SPSB1: variants seen among roughly 807,000 people sequenced by gnomAD.
The protein encoded by SPSB1 is splA/ryanodine receptor domain and SOCS box containing 1.
SPSB1 carries 8 observed loss-of-function variants against 21.2 expected under a neutral mutation model. That is an observed-to-expected ratio of 0.38 (90% CI 0.22 to 0.68). The LOEUF is 0.68. SPSB1 is among the 30% of genes least tolerant of loss of function. The probability of loss-of-function intolerance (pLI) is 0.53; values close to 1 mark genes in which losing one functional copy is unlikely to be tolerated. For synonymous variants in SPSB1, 169 were observed against 161.7 expected (o/e 1.05, Z -0.34); for missense variants, 242 against 377.8 (o/e 0.64, Z 2.98).
Position 9,329,906 on chromosome 1 carries a change from A to T in SPSB1, c.-149-25837A>T, listed in dbSNP as rs563880013. Among the ~76,000 whole-genome samples the T allele has an allele frequency of 3.9e-5, 6 of 152,194 alleles. No individual in the cohort carries two copies. The South Asian group carries it at 6.2e-4, about 16-fold the overall frequency. On this transcript the variant is annotated intron_variant, in intron 1 of 2. Transcript: ENST00000328089. ...AACTTGGATACTATGAGGCCTTTGGAATCTTTTCTGGGACTGATTCCTAGA... is the reference window on the plus strand; with the variant it reads ...AACTTGGATACTATGAGGCCTTTGGTATCTTTTCTGGGACTGATTCCTAGA...
Position 9,294,836 on chromosome 1 carries a change from A to T in SPSB1, c.-150+1765A>T, listed in dbSNP as rs553378008. Among the ~76,000 whole-genome samples, 7 of 151,318 alleles carry T rather than the reference A, an allele frequency of 4.6e-5. No homozygotes were observed. In the South Asian group the frequency reaches 1.5e-3, roughly 32 times the overall value. ...CCTTCTGCCCTGTCCCCCTCCTCAG[A>T]CCCCCCTCCCAGTGGTGGAAAGCCC... On this transcript the variant is annotated intron_variant, in intron 1 of 2. Transcript: ENST00000328089.
intron 1 of SPSB1, among the ~76,000 whole-genome samples, chr1:9,307,561 G>A (rs1006917241): frequency 6.6e-6 from 1 of 152,202 alleles, no homozygotes; most frequent in Non-Finnish European, 1.5e-5. Context: ...TTTCCTAAGT[G>A]GAAGCTGGAT....
intron 1 of SPSB1, among the ~76,000 whole-genome samples, chr1:9,354,329 C>T (rs1019827771): frequency 2.0e-5 from 3 of 152,168 alleles, no homozygotes; most frequent in African/African-American, 7.2e-5. Context: ...AACAGCCTCC[C>T]GCCCAGGCGC....
chr1:9,364,601 A>T (rs560754549), intron 2 of SPSB1, among the ~76,000 whole-genome samples: 58 of 152,244 alleles, frequency 3.8e-4, no homozygotes, highest in African/African-American at 1.4e-3. Context: ...CCTTGACCTT[A>T]AAGAACCCAA....
rs1639639142 is a variant in SPSB1, at chr1:9,317,814, G to A, written c.-150+24743G>A. On this transcript the variant is annotated intron_variant, in intron 1 of 2. Transcript: ENST00000328089. This position sits in a 1 kb window ranked among gnomAD's most constrained non-coding sequence, Gnocchi z 4.3. ...GACAGTTTCAGAGCCTTATGTAGGT[G>A]ATTTCCGGTGGCGAGGGAACCAATT... is the stretch of plus-strand genomic sequence containing the variant. Among the ~76,000 whole-genome samples, 1 of 150,608 alleles carries A rather than the reference G, an allele frequency of 6.6e-6. No homozygotes were observed. The highest frequency in any genetic ancestry group is 2.4e-5 in the African/African-American group (1 of 40,926).
chr1:9,303,989 G>C (rs1639373145), intron 1 of SPSB1, among the ~76,000 whole-genome samples: 1 of 152,246 alleles, frequency 6.6e-6, no homozygotes, highest in Admixed American at 6.5e-5. Flanking sequence ...GTGTGTCTGT[G>C]AGGGTGTTTT....
chr1:9,309,118 G>T (rs370765541), intron 1 of SPSB1, among the ~76,000 whole-genome samples: 353 of 152,104 alleles, frequency 2.3e-3, no homozygotes, highest in African/African-American at 8.0e-3. Flanking sequence ...GAGCTGTGTA[G>T]CAGGGAGGGC....
chr1:9,334,470 C>T (rs2100495409), intron 1 of SPSB1, among the ~76,000 whole-genome samples: 1 of 152,342 alleles, frequency 6.6e-6, no homozygotes, highest in East Asian at 1.9e-4. Flanking sequence ...ATCCGCCTGC[C>T]TTGGCCTCCC....
At chr1:9,349,767 A>C (rs970004755) in intron 1 of SPSB1, among the ~76,000 whole-genome samples, 1 of 152,106 alleles carries the variant, frequency 6.6e-6, no homozygotes, top group South Asian at 2.1e-4. Context: ...TTCCCAACCC[A>C]CCGTTTTATG....
intron 1 of SPSB1, among the ~76,000 whole-genome samples, chr1:9,323,100 C>T (rs754322657): frequency 2.3e-4 from 35 of 152,228 alleles, no homozygotes; most frequent in Middle Eastern, 3.2e-3. Flanking sequence ...CTCCGGCCTT[C>T]GAGGACTTTG....
At chr1:9,334,499 G>A (rs989393406) in intron 1 of SPSB1, among the ~76,000 whole-genome samples, 2 of 152,350 alleles carry the variant, frequency 1.3e-5, no homozygotes, top group African/African-American at 4.8e-5. Context: ...GGAATTACAG[G>A]CGTGAGCCAC....
At chr1:9,307,938 A>C (rs1177921642) in intron 1 of SPSB1, among the ~76,000 whole-genome samples, 1 of 152,086 alleles carries the variant, frequency 6.6e-6, no homozygotes, top group Admixed American at 6.5e-5. Context: ...CTGTGATGCC[A>C]GAGGTGCCCC....
intron 1 of SPSB1, among the ~76,000 whole-genome samples, chr1:9,332,626 A>T (rs1276470796): frequency 6.6e-6 from 1 of 152,158 alleles, no homozygotes; most frequent in African/African-American, 2.4e-5. Flanking sequence ...GACCCTCAAA[A>T]ACATCTGTGT....
chr1:9,294,555 T>G (rs905973297), intron 1 of SPSB1: 1 of 152,262 alleles, frequency 6.6e-6, no homozygotes, highest in African/African-American at 2.4e-5. Flanking sequence ...GAAAATGAAC[T>G]ACACAGTTTG....
At chr1:9,320,976 C>T (rs114122590) in intron 1 of SPSB1, among the ~76,000 whole-genome samples, 6,344 of 152,206 alleles carry the variant, frequency 0.042, 454 homozygotes, top group African/African-American at 0.14. Flanking sequence ...AATCTCCTTC[C>T]CGAGTCCCTG....
chr1:9,367,572 G>A lies in SPSB1; in HGVS notation c.819G>A (p.Gln273=), dbSNP rs758638826. 1 of 1,606,764 alleles carries A rather than the reference G, an allele frequency of 6.2e-7. No homozygotes were observed. The highest frequency in any genetic ancestry group is 1.7e-4 in the Middle Eastern group (1 of 5,908). Residue 273 remains glutamine (Q), a synonymous_variant, in exon 3 of 3, where the codon CAG becomes CAA. Transcript: ENST00000328089. The surrounding 1 kb of genome is among the most constrained non-coding windows in gnomAD (Gnocchi z 5.9). ...PASLKAYLLY[Q] is the part of the protein sequence containing the mutation. ...CCCTCAAGGCCTACCTCCTCTACCA[G>A]TGACGTTCGCCATCATACCGCCAGC...
chr1:9,357,133 GTGGA>G (rs1553128602), intron 2 of SPSB1, among the ~76,000 whole-genome samples: 10 of 59,658 alleles, frequency 1.7e-4, no homozygotes, highest in Non-Finnish European at 1.1e-4. Flanking sequence ...GGATGGATGA[GTGGA>G]TGGATGGATG....
chr1:9,358,333 T>A (rs1233068800), intron 2 of SPSB1, among the ~76,000 whole-genome samples: 2 of 152,166 alleles, frequency 1.3e-5, no homozygotes, highest in African/African-American at 4.8e-5. Context: ...TTGGTCCTCG[T>A]CTGTGCAGCC....
chr1:9,367,417 G>C lies in SPSB1; in HGVS notation c.695-31G>C. ...TGTTTGCTGAACACCCACCCAAGCTGCGCTGACCTGCAGTTTCTCTGTCTC... is the reference window on the plus strand; with the variant it reads ...TGTTTGCTGAACACCCACCCAAGCTCCGCTGACCTGCAGTTTCTCTGTCTC... On this transcript the variant is annotated intron_variant, in intron 2 of 2. Coordinates refer to ENST00000328089, the MANE Select transcript of SPSB1 (RefSeq NM_025106.4). This position sits in a 1 kb window ranked among gnomAD's most constrained non-coding sequence, Gnocchi z 5.9. 1 of 1,612,764 alleles carries C rather than the reference G, an allele frequency of 6.2e-7. No individual in the cohort carries two copies. Among genetic ancestry groups the C allele is most frequent in the Non-Finnish European group, 8.5e-7 (1 of 1,179,934 alleles).
Sources: gnomAD v4.1 joint callset for allele counts (sites outside exome capture counted in the v4.1 genomes callset) on GRCh38, gnomAD v4.1.1 for gene constraint, Gnocchi (gnomAD v3.1) non-coding constraint, MANE v1.5 for transcripts, NCBI Gene and HGNC (gene_info 2026-07-23, HGNC 2026-07-21) for gene names.